Variants in HHIP observed in about 807,000 individuals in gnomAD.
HHIP encodes hedgehog-interacting protein.
A neutral mutation model predicts 74.0 loss-of-function variants in HHIP; 12 were observed. The observed-to-expected ratio is 0.16, with a 90% CI of 0.10 to 0.26. The LOEUF is 0.26. HHIP is among the 10% of genes least tolerant of loss of function. The probability of loss-of-function intolerance (pLI) is 1.00; values close to 1 mark genes in which losing one functional copy is unlikely to be tolerated. For missense variants in HHIP, 788 were observed against 845.0 expected (o/e 0.93, Z 0.84); for synonymous variants, 309 against 311.6 (o/e 0.99, Z 0.09).
intron 11 of HHIP, 63 bp from the exon 12 acceptor site, chr4:144,734,678 A>T: frequency 7.6e-7 from 1 of 1,322,872 alleles, no homozygotes; most frequent in Non-Finnish European, 1.0e-6. Flanking sequence ...CAGAATCACT[A>T]GATTTCATTC....
intron 4 of HHIP, 38 bp from the exon 5 acceptor site, chr4:144,706,493 T>A: frequency 6.6e-7 from 1 of 1,518,788 alleles, no homozygotes; most frequent in Non-Finnish European, 8.9e-7. Flanking sequence ...AGAACATAAT[T>A]AACTTTACAA....
At chr4:144,681,135 A>G (rs761360235) in intron 4 of HHIP, among the ~76,000 whole-genome samples, 14 of 152,354 alleles carry the variant, frequency 9.2e-5, no homozygotes, top group Non-Finnish European at 1.5e-4. Flanking sequence ...CTTTACAAAT[A>G]TATCAGATTC....
chr4:144,649,724 C>G (rs1728365941), intron 1 of HHIP, among the ~76,000 whole-genome samples: 1 of 152,122 alleles, frequency 6.6e-6, no homozygotes, highest in South Asian at 2.1e-4. Context: ...CCAAAGCTGT[C>G]AAGGAATGGG....
intron 12 of HHIP, among the ~76,000 whole-genome samples, chr4:144,735,655 A>G (rs1731094152): frequency 6.7e-6 from 1 of 148,982 alleles, no homozygotes; most frequent in Admixed American, 7.0e-5. Context: ...AATGATTTTG[A>G]TCTCGGCTAT....
At chr4:144,648,024 A>T (rs1287563634) in intron 1 of HHIP, among the ~76,000 whole-genome samples, 1 of 151,918 alleles carries the variant, frequency 6.6e-6, no homozygotes, top group Admixed American at 6.6e-5. Context: ...TCTAATTTTT[A>T]TGCTCAGTTC....
chr4:144,706,088 G>A (rs1415839713), intron 4 of HHIP, among the ~76,000 whole-genome samples: 1 of 152,180 alleles, frequency 6.6e-6, no homozygotes, highest in African/African-American at 2.4e-5. Context: ...TAAACATATT[G>A]CCAAGACAGT....
At chr4:144,734,595 T>C (rs1553944462) in intron 11 of HHIP, 146 bp from the exon 12 acceptor site, 1 of 531,500 alleles carries the variant, frequency 1.9e-6, no homozygotes, top group Non-Finnish European at 3.1e-6. Flanking sequence ...CCTTAGAAAG[T>C]TGTAAATCTG....
chr4:144,658,635 G>A (rs1285185686), intron 2 of HHIP, among the ~76,000 whole-genome samples, 155 bp from the exon 3 acceptor site: 1 of 151,992 alleles, frequency 6.6e-6, no homozygotes, highest in Admixed American at 6.6e-5. Context: ...TCACAAAGTG[G>A]TGGGATTACA....
intron 11 of HHIP, among the ~76,000 whole-genome samples, chr4:144,721,411 T>C (rs1401609038): frequency 6.6e-6 from 1 of 152,080 alleles, no homozygotes; most frequent in Non-Finnish European, 1.5e-5. Context: ...TATTACCACC[T>C]CAGTCTGTAA....
chr4:144,674,665 T>C (rs985995491), intron 4 of HHIP, among the ~76,000 whole-genome samples: 7 of 152,206 alleles, frequency 4.6e-5, no homozygotes, highest in Admixed American at 3.9e-4. Flanking sequence ...ATAGAATATA[T>C]GTGCTTTTCA....
chr4:144,696,381 T>C (rs1188200292), intron 4 of HHIP, among the ~76,000 whole-genome samples: 2 of 151,856 alleles, frequency 1.3e-5, no homozygotes, highest in Non-Finnish European at 2.9e-5. Context: ...ATATCCCACA[T>C]AAGTTAAAAT....
At chr4:144,659,128 G>C (rs1004473787) in intron 3 of HHIP, among the ~76,000 whole-genome samples, 182 bp downstream of exon 3, 1 of 152,102 alleles carries the variant, frequency 6.6e-6, no homozygotes, top group East Asian at 1.9e-4. Flanking sequence ...TTAATACTTA[G>C]ACTACTAATC....
intron 4 of HHIP, among the ~76,000 whole-genome samples, chr4:144,699,123 G>A (rs1349305894): frequency 6.6e-6 from 1 of 152,128 alleles, no homozygotes; most frequent in Non-Finnish European, 1.5e-5. Context: ...TAAGGGCTCA[G>A]CCCCATAAGA....
chr4:144,700,257 T>G (rs1270815806), intron 4 of HHIP, among the ~76,000 whole-genome samples: 1 of 152,180 alleles, frequency 6.6e-6, no homozygotes. Flanking sequence ...CTTAAGTATC[T>G]CCTTGTGAAC....
intron 2 of HHIP, among the ~76,000 whole-genome samples, chr4:144,653,807 G>C (rs1728489742): frequency 6.6e-6 from 1 of 151,944 alleles, no homozygotes; most frequent in Non-Finnish European, 1.5e-5. Context: ...ATTTTGACTA[G>C]GGTTGCTTGC....
At chr4:144,719,036 T>A (rs1276240024) in intron 11 of HHIP, 80 bp downstream of exon 11, 8 of 870,024 alleles carry the variant, frequency 9.2e-6, no homozygotes, top group Non-Finnish European at 1.6e-5. Context: ...ATGATAGGAA[T>A]GTCACAATTA....
At chr4:144,708,134 T>C in intron 6 of HHIP, 34 bp from the exon 7 acceptor site, 3 of 1,609,226 alleles carry the variant, frequency 1.9e-6, no homozygotes, top group Non-Finnish European at 2.6e-6. Flanking sequence ...ATAATGAAAA[T>C]GTAAAACACA....
intron 11 of HHIP, among the ~76,000 whole-genome samples, chr4:144,728,996 C>T (rs1730875233): frequency 6.6e-6 from 1 of 152,028 alleles, no homozygotes; most frequent in African/African-American, 2.4e-5. Flanking sequence ...GAAAGAAACA[C>T]CGATATGACC....
chr4:144,681,839 T>C (rs1472743785), intron 4 of HHIP, among the ~76,000 whole-genome samples: 4 of 152,210 alleles, frequency 2.6e-5, no homozygotes, highest in African/African-American at 4.8e-5. Context: ...TGAAGCAACA[T>C]TGGCTTCTGA....
Sources: gnomAD v4.1 joint callset for allele counts (sites outside exome capture counted in the v4.1 genomes callset) on GRCh38, gnomAD v4.1.1 for gene constraint, MANE v1.5 for transcripts, NCBI Gene and HGNC (gene_info 2026-07-23, HGNC 2026-07-21) for gene names.